Variants in CHP2 observed in about 807,000 individuals in gnomAD.
The protein encoded by CHP2 is calcineurin like EF-hand protein 2.
In CHP2, 31 loss-of-function variants were observed where a neutral mutation model predicts 24.7. The ratio of observed to expected loss-of-function variants is 1.26; its 90% CI spans 0.94 to 1.69. CHP2 has a LOEUF of 1.69. CHP2 is among the 40% of genes most tolerant of loss of function. CHP2 has a pLI of 0.00. For synonymous variants in CHP2, 97 were observed against 99.1 expected (o/e 0.98, Z 0.13); for missense variants, 319 against 261.5 (o/e 1.22, Z -1.52).
Position 23,758,550 on chromosome 16 carries a change from G to A in CHP2, c.*967G>A, listed in dbSNP as rs1441373533. ...TGCTAACCCAGTAACCCAGTGGGAAGAGATTTACTTATTCCAATAATTCCA... is the reference window on the plus strand; with the variant it reads ...TGCTAACCCAGTAACCCAGTGGGAAAAGATTTACTTATTCCAATAATTCCA... On this transcript the variant is annotated 3_prime_UTR_variant, in exon 7 of 7. Coordinates refer to ENST00000300113, the MANE Select transcript of CHP2 (RefSeq NM_022097.4). 1 of 152,210 alleles carries A rather than the reference G, an allele frequency of 6.6e-6. No individual in the cohort carries two copies. The highest frequency in any genetic ancestry group is 2.4e-5 in the African/African-American group (1 of 41,454). The allele number at this position is 152,210 out of a possible 1,614,324, so 9.4% of individuals were successfully genotyped here. A position where few individuals can be genotyped will look rare whatever the true frequency, so the allele number is the denominator to read the frequency against.
rs555651086 is a variant in CHP2, at chr16:23,757,955, C to T, written c.*372C>T. On this transcript the variant is annotated 3_prime_UTR_variant, in exon 7 of 7. Transcript: ENST00000300113. Reference sequence around the variant, plus strand: ...CTGAGCTTGTTTTCCTGCAATTAGACGGTCCCATATGGGAGTGATGGGAGA... The same window carrying T: ...CTGAGCTTGTTTTCCTGCAATTAGATGGTCCCATATGGGAGTGATGGGAGA... The T allele has an allele frequency of 6.4e-5, 23 of 361,556 alleles. No homozygotes were observed. Among genetic ancestry groups the T allele is most frequent in the African/African-American group, 2.1e-4 (10 of 47,314 alleles). The allele number at this position is 361,556 out of a possible 1,614,324, so 22.4% of individuals were successfully genotyped here.
Position 23,755,836 on chromosome 16 carries a change from T to C in CHP2, c.141-11T>C, listed in dbSNP as rs765642595. 6.8e-6 allele frequency: 11 copies of C among 1,614,100 alleles called. No homozygotes were observed. Among genetic ancestry groups the C allele is most frequent in the Non-Finnish European group, 9.3e-6 (11 of 1,180,038 alleles). On this transcript the variant is annotated splice_polypyrimidine_tract_variant and intron_variant, in intron 2 of 6. Coordinates refer to ENST00000300113, the MANE Select transcript of CHP2 (RefSeq NM_022097.4). ...TCTCTGCCTTACCCTCTTTGAAATTTGGCTTTGCAGCCGCATGGATCTCCA... is the reference window on the plus strand; with the variant it reads ...TCTCTGCCTTACCCTCTTTGAAATTCGGCTTTGCAGCCGCATGGATCTCCA...
chr16:23,755,953 T>G (rs1597177512), intron 3 of CHP2, 26 bp downstream of exon 3: 2 of 1,613,214 alleles, frequency 1.2e-6, no homozygotes, highest in Non-Finnish European at 1.7e-6. Flanking sequence ...CGTGGGGAGG[T>G]GAAGGCGGGA....
rs1287177273 is a variant in CHP2, at chr16:23,758,147, A to G, written c.*564A>G. On this transcript the variant is annotated 3_prime_UTR_variant, in exon 7 of 7. Coordinates refer to ENST00000300113, the MANE Select transcript of CHP2 (RefSeq NM_022097.4). ...ATGCAAGCAATGGGGAGTGGCTGTA[A>G]ATATAGATGAAGCTTCAGCTCGCCT... is the stretch of plus-strand genomic sequence containing the variant. 6.0e-6 allele frequency: 1 copy of G among 166,688 alleles called. No individual in the cohort carries two copies. The highest frequency in any genetic ancestry group is 1.7e-4 in the East Asian group (1 of 6,020). 10.3% of individuals were successfully genotyped at this position (166,688 alleles called of 1,614,324 possible). A position where few individuals can be genotyped will look rare whatever the true frequency, so the allele number is the denominator to read the frequency against.
At chr16:23,756,231 T>G (rs1961223754) in intron 4 of CHP2, 38 bp downstream of exon 4, 1 of 1,612,212 alleles carries the variant, frequency 6.2e-7, no homozygotes, top group African/African-American at 1.3e-5. Flanking sequence ...AGAATGCAGA[T>G]GTACCCACAC....
Position 23,757,277 on chromosome 16 carries a change from C to G in CHP2, c.491C>G (p.Ala164Gly). The G allele has an allele frequency of 6.2e-7, 1 of 1,613,820 alleles. No individual in the cohort carries two copies. The highest frequency in any genetic ancestry group is 1.1e-5 in the South Asian group (1 of 91,044). ...ENIADRTVQE[A>G]DEDGDGAVSF... ...ATCGCTGACCGCACGGTGCAGGAGG[C>G]TGATGAAGATGGGGATGGGGCTGTG... Residue 164 changes from alanine (A) to glycine (G), a missense_variant, in exon 6 of 7, where the codon GCT becomes GGT. By Grantham distance (60) the Ala-to-Gly change is moderately conservative. Transcript: ENST00000300113.
Position 23,757,620 on chromosome 16 carries a change from A to C in CHP2, c.*37A>C, listed in dbSNP as rs1567268512. On this transcript the variant is annotated 3_prime_UTR_variant, in exon 7 of 7. Transcript: ENST00000300113. ...CCTTGGGCTTGCTCCTGCAACCAGT[A>C]TCTCCTTGGAATTCATCCAAAGCCC... 2 of 1,580,676 alleles carry C rather than the reference A, an allele frequency of 1.3e-6. No homozygotes were observed. Among genetic ancestry groups the C allele is most frequent in the Non-Finnish European group, 1.7e-6 (2 of 1,149,754 alleles).
rs145327184 is a variant in CHP2, at chr16:23,755,877, C to T, written c.171C>T (p.Leu57=). 9.9e-6 allele frequency: 16 copies of T among 1,614,186 alleles called. No individual in the cohort carries two copies. The African/African-American group carries it at 1.1e-4, about 11-fold the overall frequency. ...SRMDLQQIGA[L]AVNPLGDRII... is the part of the protein sequence containing the mutation. The stretch of plus-strand genomic sequence containing the variant: ...TGGATCTCCAGCAGATAGGGGCGCT[C>T]GCCGTGAACCCCCTGGGAGACCGAA... The change falls in exon 3 of 7, where the codon CTC becomes CTT. Residue 57 remains leucine, a synonymous_variant. Transcript: ENST00000300113.
Position 23,755,835 on chromosome 16 carries a change from T to C in CHP2, c.141-12T>C, listed in dbSNP as rs1961215038. 5.6e-6 allele frequency: 9 copies of C among 1,614,212 alleles called. No homozygotes were observed. In the East Asian group the frequency reaches 2.0e-4, roughly 36 times the overall value. On this transcript the variant is annotated splice_polypyrimidine_tract_variant and intron_variant, in intron 2 of 6. Transcript: ENST00000300113. ...ATCTCTGCCTTACCCTCTTTGAAAT[T>C]TGGCTTTGCAGCCGCATGGATCTCC...
rs1961222958 is a variant in CHP2, at chr16:23,756,170, A to T, written c.329A>T (p.Asn110Ile). 13 of 1,614,142 alleles carry T rather than the reference A, an allele frequency of 8.1e-6. No individual in the cohort carries two copies. Among genetic ancestry groups the T allele is most frequent in the Non-Finnish European group, 1.1e-5 (13 of 1,180,042 alleles). The change falls in exon 4 of 7, where the codon AAC becomes ATC. Residue 110 changes from asparagine to isoleucine, a missense_variant. Coordinates refer to ENST00000300113, the MANE Select transcript of CHP2 (RefSeq NM_022097.4). ...TQDPKKPEPL[N>I]SRRNKLHYAF... is the part of the protein sequence containing the mutation. ...GACCCCAAGAAACCTGAACCTCTCAACAGCAGAAGGAACAAACTTCACTGT... is the reference window on the plus strand; with the variant it reads ...GACCCCAAGAAACCTGAACCTCTCATCAGCAGAAGGAACAAACTTCACTGT...
chr16:23,755,942 GC>G lies in CHP2; in HGVS notation c.221+16del, dbSNP rs775831508. On this transcript the variant is annotated intron_variant, in intron 3 of 6. Transcript: ENST00000300113. ...TTCCCCGATGGGTGAGGCTTGCTGG[GC>G]GTGGGGAGGTGAAGGCGGGAAAACC... 1.9e-6 allele frequency: 3 copies of G among 1,614,152 alleles called. No homozygotes were observed. In the South Asian group the frequency reaches 3.3e-5, roughly 18 times the overall value.
At position 23,757,731 on chromosome 16, in the gene CHP2, T is replaced by C; in HGVS notation, c.*148T>C. The C allele has an allele frequency of 1.3e-6, 1 of 780,532 alleles. No homozygotes were observed. The highest frequency in any genetic ancestry group is 2.2e-6 in the Non-Finnish European group (1 of 446,902). The allele number at this position is 780,532 out of a possible 1,614,324, so 48.4% of individuals were successfully genotyped here. A position where few individuals can be genotyped will look rare whatever the true frequency, so the allele number is the denominator to read the frequency against. ...GGCCAAGAGAAGAAAGCTGGAAGGA[T>C]GTGTACTAAAGTCTAGCTCAGCAGT... On this transcript the variant is annotated 3_prime_UTR_variant, in exon 7 of 7. Coordinates refer to ENST00000300113, the MANE Select transcript of CHP2 (RefSeq NM_022097.4).
Position 23,756,393 on chromosome 16 carries a change from T to C in CHP2, c.358T>C (p.Phe120Leu). The C allele has an allele frequency of 6.2e-7, 1 of 1,613,496 alleles. No individual in the cohort carries two copies. The change falls in exon 5 of 7, where the codon TTT (phenylalanine) becomes CTT (leucine). Residue 120 changes from phenylalanine to leucine, a missense_variant. By Grantham distance (22) the Phe-to-Leu change is conservative (BLOSUM62 0). Transcript: ENST00000300113. ...CCCTCCCACCCTCTCCCCAGATGCA[T>C]TTCAGCTCTATGACCTGGATCGCGA... ...NSRRNKLHYA[F>L]QLYDLDRDGK...
intron 4 of CHP2, 78 bp from the exon 5 acceptor site, chr16:23,756,310 G>A (rs1961224858): frequency 1.3e-6 from 2 of 1,587,008 alleles, no homozygotes; most frequent in Admixed American, 1.7e-5. Flanking sequence ...CTCCTCCAAG[G>A]TGGGGGGAAG....
chr16:23,757,262 G>A lies in CHP2; in HGVS notation c.476G>A (p.Arg159His), dbSNP rs373586872. The stretch of plus-strand genomic sequence containing the variant: ...GAGCAGCTGGAGAACATCGCTGACC[G>A]CACGGTGCAGGAGGCTGATGAAGAT... ...TEEQLENIAD[R>H]TVQEADEDGD... The change falls in exon 6 of 7, where the codon CGC becomes CAC. Residue 159 changes from arginine to histidine, a missense_variant. Transcript: ENST00000300113. 25 of 1,613,824 alleles carry A rather than the reference G, an allele frequency of 1.5e-5. 1 individual carries two copies. The highest frequency in any genetic ancestry group is 7.7e-5 in the South Asian group (7 of 91,074).
chr16:23,755,408 C>T (rs111982542), intron 1 of CHP2: 7 of 599,528 alleles, frequency 1.2e-5, no homozygotes, highest in African/African-American at 5.6e-5. Context: ...GCAGAGCTGA[C>T]GGCGGTTGGA....
rs903461361 is a variant in CHP2, at chr16:23,757,956, G to A, written c.*373G>A. The A allele has an allele frequency of 1.3e-4, 46 of 355,456 alleles. No homozygotes were observed. The highest frequency in any genetic ancestry group is 1.0e-3 in the Middle Eastern group (1 of 978). 22.0% of individuals were successfully genotyped at this position (355,456 alleles called of 1,614,324 possible). A position where few individuals can be genotyped will look rare whatever the true frequency, so the allele number is the denominator to read the frequency against. The stretch of plus-strand genomic sequence containing the variant: ...TGAGCTTGTTTTCCTGCAATTAGAC[G>A]GTCCCATATGGGAGTGATGGGAGAC... On this transcript the variant is annotated 3_prime_UTR_variant, in exon 7 of 7. Transcript: ENST00000300113.
In CHP2 at chr16:23,757,392, T is replaced by C. The variant is rs2141044621; in HGVS notation, c.537+69T>C. On this transcript the variant is annotated intron_variant, in intron 6 of 6. Coordinates refer to ENST00000300113, the MANE Select transcript of CHP2 (RefSeq NM_022097.4). Reference sequence around the variant, plus strand: ...TGGGGCAGACAGACTTGGGAAACGTTCAACGGAGGAGGGCGGAAAGATAGG... The same window carrying C: ...TGGGGCAGACAGACTTGGGAAACGTCCAACGGAGGAGGGCGGAAAGATAGG... The C allele has an allele frequency of 2.5e-6, 4 of 1,592,242 alleles. No homozygotes were observed. In the East Asian group the frequency reaches 6.7e-5, roughly 27 times the overall value.
rs577893474 is a variant in CHP2 at position 23,756,002 on chromosome 16, C to T, written c.222-61C>T. Reference sequence around the variant, plus strand: ...AGTGGGTGGGAGGGGAGGTTAGAGACGGAGGCAAAGTGATGGCCAAGGTGA... The same window carrying T: ...AGTGGGTGGGAGGGGAGGTTAGAGATGGAGGCAAAGTGATGGCCAAGGTGA... On this transcript the variant is annotated intron_variant, in intron 3 of 6. Transcript: ENST00000300113. The T allele has an allele frequency of 5.0e-6, 8 of 1,613,572 alleles. No individual in the cohort carries two copies. In the South Asian group the frequency reaches 6.6e-5, roughly 13 times the overall value.
Sources: allele counts gnomAD v4.1 joint callset, GRCh38; gene constraint gnomAD v4.1.1; transcripts MANE v1.5; gene names NCBI Gene and HGNC (gene_info 2026-07-23, HGNC 2026-07-21).